The following PRKAG2 variants were observed in gnomAD, a reference collection of about 807,000 sequenced individuals.
PRKAG2 encodes 5'-AMP-activated protein kinase subunit gamma-2.
PRKAG2 carries 26 observed loss-of-function variants against 69.6 expected under a neutral mutation model. That is an observed-to-expected ratio of 0.37 (90% CI 0.27 to 0.52). The LOEUF is 0.52. Among genes scored for constraint, PRKAG2 ranks in the 20% least tolerant of loss-of-function variants. The pLI, the probability that PRKAG2 is intolerant of heterozygous loss-of-function variation, is 0.90. For missense variants in PRKAG2, 557 were observed against 740.0 expected, an observed-to-expected ratio of 0.75 and a Z score of 2.87; for synonymous variants, 293 against 285.0, an observed-to-expected ratio of 1.03 and a Z score of -0.28.
intron 2 of PRKAG2, among the ~76,000 whole-genome samples, chr7:151,784,452 T>A (rs549595456): frequency 6.6e-6 from 1 of 152,096 alleles, no homozygotes; most frequent in African/African-American, 2.4e-5. Flanking sequence ...GATGGATAAA[T>A]GGCCCGGAGC....
chr7:151,689,536 C>T (rs1171065885), intron 3 of PRKAG2, among the ~76,000 whole-genome samples: 1 of 152,198 alleles, frequency 6.6e-6, no homozygotes, highest in Non-Finnish European at 1.5e-5. Context: ...TGGAGAGCCA[C>T]GTACAGCGAA....
intron 6 of PRKAG2, among the ~76,000 whole-genome samples, chr7:151,579,530 A>C (rs1308289544): frequency 1.3e-5 from 2 of 152,178 alleles, no homozygotes; most frequent in Non-Finnish European, 2.9e-5. Flanking sequence ...GACAGGAAAC[A>C]CTATTTGAGG....
chr7:151,566,903 GA>G (rs1347714713), intron 11 of PRKAG2, among the ~76,000 whole-genome samples: 5 of 152,110 alleles, frequency 3.3e-5, no homozygotes. Flanking sequence ...ATTTTTAACT[GA>G]AAACCTTTAG....
intron 4 of PRKAG2, among the ~76,000 whole-genome samples, chr7:151,658,964 T>C (rs559376262): frequency 2.6e-5 from 4 of 152,328 alleles, no homozygotes; most frequent in South Asian, 2.1e-4. Flanking sequence ...TGCAATATAA[T>C]GGATGGGTAC....
intron 3 of PRKAG2, among the ~76,000 whole-genome samples, chr7:151,729,205 G>A (rs1009845048): frequency 7.2e-5 from 11 of 152,132 alleles, no homozygotes; most frequent in African/African-American, 2.7e-4. Flanking sequence ...CCACGGCTGG[G>A]AGTGGAGAGT....
At chr7:151,717,681 C>T (rs771225095) in intron 3 of PRKAG2, among the ~76,000 whole-genome samples, 1 of 152,160 alleles carries the variant, frequency 6.6e-6, no homozygotes, top group Non-Finnish European at 1.5e-5. Flanking sequence ...GCCATGCCCA[C>T]CCACGTATTT....
rs397517269 is a variant in PRKAG2, at chr7:151,781,305, C to T, written c.313G>A (p.Val105Met). Residue 105 changes from valine to methionine, a missense_variant, in exon 3 of 16, where the codon GTG becomes ATG. This residue lies in a region of PRKAG2 where 352 missense variants were observed against 356.7 expected (regional missense o/e 0.99). Coordinates refer to ENST00000287878, the MANE Select transcript of PRKAG2 (RefSeq NM_016203.4). The surrounding 1 kb of genome is among the most constrained non-coding windows in gnomAD (Gnocchi z 6.1). ...GACTCCTGGTAGGAGAACGGGAACA[C>T]GGTTTTGGGAGAGCCGGGGCTGGTC... is the stretch of plus-strand genomic sequence containing the variant. ...PKTSPGSPKT[V>M]FPFSYQESPP... The T allele has an allele frequency of 4.6e-5, 75 of 1,613,956 alleles. No homozygotes were observed. In the Admixed American group the frequency reaches 8.5e-4, roughly 18 times the overall value.
chr7:151,833,478 T>C (rs1428049875), intron 1 of PRKAG2, among the ~76,000 whole-genome samples: 1 of 152,122 alleles, frequency 6.6e-6, no homozygotes, highest in Non-Finnish European at 1.5e-5. Context: ...TCTGCAGGGA[T>C]GGTGCGGGTG....
chr7:151,582,266 C>T (rs955204971), intron 6 of PRKAG2, among the ~76,000 whole-genome samples: 1 of 152,186 alleles, frequency 6.6e-6, no homozygotes, highest in African/African-American at 2.4e-5. Context: ...TCTCCCACCT[C>T]AGCCTCCTGA....
intron 3 of PRKAG2, among the ~76,000 whole-genome samples, chr7:151,698,169 G>A (rs1190968765): frequency 6.6e-6 from 1 of 152,100 alleles, no homozygotes; most frequent in African/African-American, 2.4e-5. Context: ...CCCTCGGGAG[G>A]AGCGCCGCCA....
intron 1 of PRKAG2, among the ~76,000 whole-genome samples, chr7:151,808,620 T>C (rs528415587): frequency 2.0e-5 from 3 of 152,006 alleles, no homozygotes; most frequent in South Asian, 4.2e-4. Context: ...TCCGCTGACA[T>C]CTTTTCTCCC....
chr7:151,632,491 G>A lies in PRKAG2; in HGVS notation c.685-353C>T, dbSNP rs1262123646. ...GGGCCCGGGGCGCCCCCCTCCGGCC[G>A]TGGCCCGCGTCCTCCCCGCCGTGCC... On this transcript the variant is annotated intron_variant, in intron 4 of 15. Transcript: ENST00000287878. The surrounding 1 kb of genome is among the most constrained non-coding windows in gnomAD (Gnocchi z 4.2). 6 of 855,056 alleles carry A rather than the reference G, an allele frequency of 7.0e-6. No homozygotes were observed. Among genetic ancestry groups the A allele is most frequent in the Non-Finnish European group, 8.4e-6 (6 of 712,014 alleles). 53.0% of individuals were successfully genotyped at this position (855,056 alleles called of 1,614,324 possible). A position where few individuals can be genotyped will look rare whatever the true frequency, so the allele number is the denominator to read the frequency against.
Position 151,814,347 on chromosome 7 carries a change from G to GA in PRKAG2, c.115-27807dup. ...CAAGGAGACAAAGCATCGTGAGGGG[G>GA]AAAACCGCACACCCAGGGACGCACA... On this transcript the variant is annotated intron_variant, in intron 1 of 15. Transcript: ENST00000287878. The surrounding 1 kb of genome is among the most constrained non-coding windows in gnomAD (Gnocchi z 4.8). 9.1e-7 allele frequency: 1 copy of GA among 1,102,224 alleles called. No homozygotes were observed. The highest frequency in any genetic ancestry group is 4.7e-5 in the South Asian group (1 of 21,348). The allele number at this position is 1,102,224 out of a possible 1,614,324, so 68.3% of individuals were successfully genotyped here. A position where few individuals can be genotyped will look rare whatever the true frequency, so the allele number is the denominator to read the frequency against.
At chr7:151,577,992 G>GTT (rs368297039) in intron 6 of PRKAG2, among the ~76,000 whole-genome samples, 18,331 of 142,026 alleles carry the variant, frequency 0.13, 1,234 homozygotes, top group East Asian at 0.27. Flanking sequence ...GTATGGTTAT[G>GTT]TTTTTTTTTT....
intron 3 of PRKAG2, among the ~76,000 whole-genome samples, chr7:151,709,182 CG>C (rs1563489231): frequency 6.6e-6 from 1 of 151,674 alleles, no homozygotes; most frequent in African/African-American, 2.4e-5. Context: ...ACTGTGACAC[CG>C]ATGTATGAAC....
At chr7:151,815,591 G>A (rs756019300) in intron 1 of PRKAG2, among the ~76,000 whole-genome samples, 110 of 152,128 alleles carry the variant, frequency 7.2e-4, no homozygotes, top group Non-Finnish European at 1.5e-3. Flanking sequence ...TCTGCCTCCT[G>A]CCCAACCCCG....
At chr7:151,752,862 C>G (rs1456306264) in intron 3 of PRKAG2, among the ~76,000 whole-genome samples, 2 of 152,268 alleles carry the variant, frequency 1.3e-5, no homozygotes, top group African/African-American at 4.8e-5. Flanking sequence ...GAAGCCCTGA[C>G]TGGTGACAAG....
chr7:151,573,882 G>A (rs376955822), intron 8 of PRKAG2, among the ~76,000 whole-genome samples: 12 of 152,238 alleles, frequency 7.9e-5, no homozygotes, highest in East Asian at 5.8e-4. Context: ...GGGTTCAAGC[G>A]ATTCTTGTGC....
At position 151,612,742 on chromosome 7, in the gene PRKAG2, G is replaced by A. The variant is rs115727811; in HGVS notation, c.755-17288C>T. Among the ~76,000 whole-genome samples, 973 of 152,330 alleles carry A rather than the reference G, an allele frequency of 6.4e-3. 16 individuals carry two copies. The highest frequency in any genetic ancestry group is 0.022 in the African/African-American group (921 of 41,566). ...ATGCTCAGCGAGTGACCGTCTATGG[G>A]ACCATTCCCAAAGGCACAGGTGCAT... On this transcript the variant is annotated intron_variant, in intron 5 of 15. Transcript: ENST00000287878.
Sources: allele counts gnomAD v4.1 joint callset (sites outside exome capture counted in the v4.1 genomes callset), GRCh38; gene constraint gnomAD v4.1.1; regional missense constraint gnomAD v4.1.1; non-coding constraint Gnocchi (gnomAD v3.1); transcripts MANE v1.5; gene names NCBI Gene and HGNC (gene_info 2026-07-23, HGNC 2026-07-21).